MTRF1: variants seen among roughly 807,000 people sequenced by gnomAD.
MTRF1 encodes peptide chain release factor 1, mitochondrial.
In MTRF1, 51 loss-of-function variants were observed where a neutral mutation model predicts 62.9. That is an observed-to-expected ratio of 0.81 (90% CI 0.65 to 1.02). The LOEUF is 1.02. MTRF1 is among the 50% of genes least tolerant of loss of function. The probability of loss-of-function intolerance (pLI) is 0.00; values close to 1 mark genes in which losing one functional copy is unlikely to be tolerated. For synonymous variants in MTRF1, 158 were observed against 181.9 expected (o/e 0.87, Z 1.06); for missense variants, 446 against 530.0 (o/e 0.84, Z 1.56).
At chr13:41,298,392 A>ATAGGTCTGAATATTGTTTAAAT in the MTRF1 span, among the ~76,000 whole-genome samples, 150,183 of 150,824 alleles carry the variant, frequency 1, 74,773 homozygotes, top group Middle Eastern at 1. Flanking sequence ...CACTATTACG[A>ATAGGTCTGAATATTGTTTAAAT]AGTTACACTC....
At chr13:41,239,442 T>C (rs2037172041) in intron 6 of MTRF1, among the ~76,000 whole-genome samples, 1 of 152,184 alleles carries the variant, frequency 6.6e-6, no homozygotes, top group African/African-American at 2.4e-5. Context: ...TATAGTTCAT[T>C]TAAATAAATG....
intron 6 of MTRF1, among the ~76,000 whole-genome samples, chr13:41,234,805 C>A (rs2036193353): frequency 6.6e-6 from 1 of 152,150 alleles, no homozygotes; most frequent in African/African-American, 2.4e-5. Context: ...GACAAGGTAA[C>A]ACTCTGCCTT....
chr13:41,260,380 T>C, intron 2 of MTRF1, 113 bp downstream of exon 2: 17 of 1,071,740 alleles, frequency 1.6e-5, no homozygotes, highest in Non-Finnish European at 2.1e-5. Context: ...AAAGACTAAG[T>C]TCAATAAAGC....
chr13:41,236,802 G>A (rs1000922679), intron 6 of MTRF1: 1 of 152,064 alleles, frequency 6.6e-6, no homozygotes, highest in African/African-American at 2.4e-5. Context: ...ATGACTTTTG[G>A]GGAACTCTGG....
At chr13:41,296,039 C>T in the MTRF1 span, among the ~76,000 whole-genome samples, 3 of 152,118 alleles carry the variant, frequency 2.0e-5, no homozygotes, top group Non-Finnish European at 4.4e-5. Flanking sequence ...TAATTTTGAA[C>T]TCTGGGGCTC....
intron 5 of MTRF1, among the ~76,000 whole-genome samples, chr13:41,249,619 C>CT (rs1166204914): frequency 0.43 from 26,358 of 61,778 alleles, 6,882 homozygotes; most frequent in Non-Finnish European, 0.45. Context: ...ATTTTTTTTT[C>CT]TTTTTTTTTT....
intron 8 of MTRF1, among the ~76,000 whole-genome samples, chr13:41,225,062 A>G (rs1324314347): frequency 6.6e-6 from 1 of 152,056 alleles, no homozygotes; most frequent in Non-Finnish European, 1.5e-5. Flanking sequence ...AAATACAAAA[A>G]TGAGCCAGGC....
At chr13:41,294,416 CAA>C in the MTRF1 span, among the ~76,000 whole-genome samples, 16 of 79,428 alleles carry the variant, frequency 2.0e-4, no homozygotes, top group Admixed American at 1.5e-4. Flanking sequence ...GACTCCATCT[CAA>C]AAAAAAAAAA....
chr13:41,274,895 G>A, the MTRF1 span, among the ~76,000 whole-genome samples: 1 of 152,000 alleles, frequency 6.6e-6, no homozygotes, highest in Non-Finnish European at 1.5e-5. Context: ...TTACAGACAT[G>A]AGCCTCCGTG....
At chr13:41,272,180 T>C in the MTRF1 span, among the ~76,000 whole-genome samples, 1 of 152,180 alleles carries the variant, frequency 6.6e-6, no homozygotes, top group Non-Finnish European at 1.5e-5. Flanking sequence ...TCATGACTCT[T>C]GAAACTTTAC....
the MTRF1 span, chr13:41,311,533 C>A: frequency 6.2e-7 from 1 of 1,605,094 alleles, no homozygotes; most frequent in Non-Finnish European, 8.5e-7. Flanking sequence ...GCCACGATGC[C>A]GAACGTGCTG....
At chr13:41,265,220 C>G (rs773599526), upstream of MTRF1, among the ~76,000 whole-genome samples, 1 of 151,982 alleles carries the variant, frequency 6.6e-6, no homozygotes. Flanking sequence ...GTCAGGAGTT[C>G]GAAACCAGCC....
Position 41,217,231 on chromosome 13 carries a change from G to T in MTRF1, c.1225-3C>A. ...CCCTTCCCACCACATAAAAATTCCT[G>T]GTAAAAGAGAGAGCTATTATGAAAC... is the stretch of plus-strand genomic sequence containing the variant. On this transcript the variant is annotated splice_polypyrimidine_tract_variant and splice_region_variant and intron_variant, in intron 9 of 9. Transcript: ENST00000379480. The T allele has an allele frequency of 1.3e-6, 2 of 1,557,748 alleles. No individual in the cohort carries two copies. Among genetic ancestry groups the T allele is most frequent in the Non-Finnish European group, 1.8e-6 (2 of 1,137,600 alleles).
At chr13:41,279,398 T>C in the MTRF1 span, among the ~76,000 whole-genome samples, 1 of 152,374 alleles carries the variant, frequency 6.6e-6, no homozygotes, top group East Asian at 1.9e-4. Flanking sequence ...CTCTTAACCG[T>C]AACCCAAACG....
chr13:41,290,867 T>A, the MTRF1 span, among the ~76,000 whole-genome samples: 3 of 149,426 alleles, frequency 2.0e-5, no homozygotes, highest in Non-Finnish European at 4.5e-5. Context: ...CCGAGGTGGG[T>A]GGATCACCTG....
At chr13:41,309,183 G>A in the MTRF1 span, among the ~76,000 whole-genome samples, 1 of 151,854 alleles carries the variant, frequency 6.6e-6, no homozygotes, top group Admixed American at 6.6e-5. Flanking sequence ...ACATACACGT[G>A]CATGTGTCCT....
intron 6 of MTRF1, among the ~76,000 whole-genome samples, chr13:41,238,697 G>A (rs760273095): frequency 6.6e-6 from 1 of 152,152 alleles, no homozygotes; most frequent in Non-Finnish European, 1.5e-5. Flanking sequence ...ATTGCAAAGG[G>A]AGAAATATAC....
chr13:41,259,731 A>ACAAAAAAAAACAT (rs1228755042), intron 2 of MTRF1, among the ~76,000 whole-genome samples: 7 of 151,102 alleles, frequency 4.6e-5, no homozygotes, highest in African/African-American at 1.7e-4. Flanking sequence ...ACATAAAAAT[A>ACAAAAAAAAACAT]AAAAATAAAA....
At position 41,254,738 on chromosome 13, in the gene MTRF1, A is replaced by G. The variant is rs117516964; in HGVS notation, c.416-118T>C. 2,903 of 618,698 alleles carry G rather than the reference A, an allele frequency of 4.7e-3. 20 individuals are homozygous for G. Among genetic ancestry groups the G allele is most frequent in the South Asian group, 8.5e-3 (346 of 40,936 alleles). The allele number at this position is 618,698 out of a possible 1,614,324, so 38.3% of individuals were successfully genotyped here. ...ATTTCAGTTGCAAAGGCAAGGGATT[A>G]TACAAAGGAACATTTAGAATATTTG... On this transcript the variant is annotated intron_variant, in intron 2 of 9. Transcript: ENST00000379480.
Sources: gnomAD v4.1 joint callset for allele counts (sites outside exome capture counted in the v4.1 genomes callset) on GRCh38, gnomAD v4.1.1 for gene constraint, MANE v1.5 for transcripts, NCBI Gene and HGNC (gene_info 2026-07-23, HGNC 2026-07-21) for gene names.